The following TRIM37 variants were observed in gnomAD, a reference collection of about 807,000 sequenced individuals.
TRIM37 encodes E3 ubiquitin-protein ligase TRIM37.
Under a neutral mutation model 129.8 loss-of-function variants are expected in TRIM37, and 80 were observed. The observed-to-expected ratio is 0.62, with a 90% CI of 0.51 to 0.74. The LOEUF (loss-of-function observed/expected upper bound fraction) is 0.74. Ranked by LOEUF, TRIM37 falls within the 30% of genes least tolerant of loss-of-function variation. The probability of loss-of-function intolerance (pLI) is 0.00; values close to 1 mark genes in which losing one functional copy is unlikely to be tolerated. For synonymous variants in TRIM37, 389 were observed against 387.1 expected (o/e 1.00, Z -0.06); for missense variants, 1,054 against 1,176.5 (o/e 0.90, Z 1.52).
chr17:59,078,251 T>C (rs1404244284), intron 7 of TRIM37, among the ~76,000 whole-genome samples: 1 of 152,034 alleles, frequency 6.6e-6, no homozygotes, highest in Non-Finnish European at 1.5e-5. Context: ...CCTCTTATCC[T>C]TAGAAAGAAT....
At chr17:58,979,995 A>G (rs1438064491), downstream of TRIM37, 7 of 1,613,630 alleles carry the variant, frequency 4.3e-6, no homozygotes, top group East Asian at 2.2e-5. Context: ...CATAAGCCAT[A>G]TATCTGTGGG....
chr17:59,019,620 A>G (rs148706118), intron 19 of TRIM37, among the ~76,000 whole-genome samples: 3,166 of 152,058 alleles, frequency 0.021, 42 homozygotes, highest in Middle Eastern at 0.045. Context: ...AGGCAGGAGA[A>G]TGGCGTGAAC....
intron 8 of TRIM37, among the ~76,000 whole-genome samples, chr17:59,074,992 A>C (rs923405677): frequency 2.0e-4 from 31 of 152,194 alleles, no homozygotes; most frequent in African/African-American, 7.5e-4. Flanking sequence ...TTAGAGTAAT[A>C]ATCGCTACAT....
chr17:59,017,565 C>G, intron 19 of TRIM37, 141 bp from the exon 20 acceptor site: 2 of 1,160,280 alleles, frequency 1.7e-6, no homozygotes, highest in Non-Finnish European at 2.5e-6. Flanking sequence ...ATTCTGTAGC[C>G]CCAATTGGTT....
At chr17:59,070,721 A>G in intron 9 of TRIM37, 102 bp downstream of exon 9, 1 of 1,296,134 alleles carries the variant, frequency 7.7e-7, no homozygotes, top group Non-Finnish European at 1.1e-6. Flanking sequence ...AAAAGAAAAG[A>G]GAGAGAGAGA....
At position 59,001,710 on chromosome 17, in the gene TRIM37, C is replaced by T. The variant is rs765203274; in HGVS notation, c.2700G>A (p.Met900Ile). Reference protein sequence around the residue: ...EGASAAPEEGMSSDSDIECDT... With the variant: ...EGASAAPEEGISSDSDIECDT... Reference sequence around the variant, plus strand: ...CACATTCAATGTCACTGTCGCTACTCATTCCTGGCAGGAAGGAAGGAGAAC... The same window carrying T: ...CACATTCAATGTCACTGTCGCTACTTATTCCTGGCAGGAAGGAAGGAGAAC... The change falls in exon 23 of 24, where the codon ATG (methionine) becomes ATA (isoleucine). Residue 900 changes from methionine to isoleucine, a missense_variant. This residue lies in a region of TRIM37 where 287 missense variants were observed against 274.3 expected (regional missense o/e 1.05). Coordinates refer to ENST00000262294, the MANE Select transcript of TRIM37 (RefSeq NM_015294.6). The T allele has an allele frequency of 5.6e-6, 9 of 1,613,994 alleles. No individual in the cohort carries two copies. Among genetic ancestry groups the T allele is most frequent in the Non-Finnish European group, 7.6e-6 (9 of 1,179,960 alleles).
intron 5 of TRIM37, among the ~76,000 whole-genome samples, chr17:59,082,598 G>A (rs2043396293): frequency 6.6e-6 from 1 of 152,160 alleles, no homozygotes; most frequent in South Asian, 2.1e-4. Flanking sequence ...TACAGAGACA[G>A]AAGACTGATA....
At position 58,998,258 on chromosome 17, in the gene TRIM37, CTA is replaced by C. The variant is rs1277064596; in HGVS notation, c.*1117_*1118del. ...GCAAACTATTTTGAACAAAAGTAAA[CTA>C]TGAGTCACAGCATTCAGCAAGACAT... On this transcript the variant is annotated 3_prime_UTR_variant, in exon 24 of 24. Transcript: ENST00000262294. The C allele has an allele frequency of 2.0e-6, 2 of 985,326 alleles. No individual in the cohort carries two copies. Among genetic ancestry groups the C allele is most frequent in the African/African-American group, 3.5e-5 (2 of 57,236 alleles). 61.0% of individuals were successfully genotyped at this position (985,326 alleles called of 1,614,324 possible).
rs749127388 is a variant in TRIM37 at position 59,049,382 on chromosome 17, A to G, written c.1326T>C (p.Ile442=). The change falls in exon 15 of 24, where the codon ATT becomes ATC. Residue 442 remains isoleucine, a synonymous_variant. Coordinates refer to ENST00000262294, the MANE Select transcript of TRIM37 (RefSeq NM_015294.6). Reference sequence around the variant, plus strand: ...TTGACTTCTGAGTTCGAGACAGCTCAATAGTAAGTCTCTTTTAAAACAAGA... The same window carrying G: ...TTGACTTCTGAGTTCGAGACAGCTCGATAGTAAGTCTCTTTTAAAACAAGA... ...QINNLKERLT[I]ELSRTQKSRD... is the part of the protein sequence containing the mutation. 3 of 1,614,082 alleles carry G rather than the reference A, an allele frequency of 1.9e-6. No homozygotes were observed. The Admixed American group carries it at 5.0e-5, about 27-fold the overall frequency.
chr17:59,087,941 T>C, intron 4 of TRIM37: 1 of 406,010 alleles, frequency 2.5e-6, no homozygotes, highest in Non-Finnish European at 4.4e-6. Flanking sequence ...TATTCATTCT[T>C]GTCCCTTAAA....
intron 15 of TRIM37, among the ~76,000 whole-genome samples, chr17:59,048,715 G>C (rs1332130352): frequency 6.6e-6 from 1 of 152,018 alleles, no homozygotes; most frequent in Non-Finnish European, 1.5e-5. Context: ...TCCTACCTCA[G>C]CCTCCCAAGT....
At chr17:59,065,711 C>T (rs2146612571) in intron 9 of TRIM37, among the ~76,000 whole-genome samples, 1 of 152,312 alleles carries the variant, frequency 6.6e-6, no homozygotes, top group Non-Finnish European at 1.5e-5. Flanking sequence ...TTCACCACAT[C>T]TTCAGATATA....
rs139217284 is a variant in TRIM37 at position 59,014,260 on chromosome 17, T to C, written c.2576+1350A>G. On this transcript the variant is annotated intron_variant, in intron 21 of 23. Transcript: ENST00000262294. ...CTTGACTATATAAAATTAAGTAAAC[T>C]TAAAGGGTGTTAATCTTTCTCCAAT... Among the ~76,000 whole-genome samples, 1,431 of 152,264 alleles carry C rather than the reference T, an allele frequency of 9.4e-3. 21 individuals are homozygous for C. The highest frequency in any genetic ancestry group is 0.032 in the African/African-American group (1,345 of 41,552).
intron 22 of TRIM37, among the ~76,000 whole-genome samples, chr17:59,007,953 C>T (rs1436017115): frequency 6.6e-6 from 1 of 152,158 alleles, no homozygotes; most frequent in Non-Finnish European, 1.5e-5. Context: ...AATAAAGAGT[C>T]TTGTTTTTCC....
At chr17:59,061,728 A>T (rs2146506824) in intron 11 of TRIM37, among the ~76,000 whole-genome samples, 1 of 152,216 alleles carries the variant, frequency 6.6e-6, no homozygotes. Context: ...TTTTAAAAGA[A>T]TCACATTTAT....
chr17:59,042,387 A>G (rs1305005423), intron 16 of TRIM37, among the ~76,000 whole-genome samples: 1 of 145,974 alleles, frequency 6.9e-6, no homozygotes, highest in Non-Finnish European at 1.5e-5. Flanking sequence ...AAAAAAAAAA[A>G]AAATCAGCCA....
intron 17 of TRIM37, among the ~76,000 whole-genome samples, chr17:59,036,770 A>G (rs1439690755): frequency 6.6e-6 from 1 of 152,254 alleles, no homozygotes; most frequent in Admixed American, 6.5e-5. Flanking sequence ...ATAACTTAAC[A>G]TCGTAATTCT....
At chr17:58,989,955 G>C (rs2032199557) in intron 24 of TRIM37, among the ~76,000 whole-genome samples, 1 of 152,042 alleles carries the variant, frequency 6.6e-6, no homozygotes, top group South Asian at 2.1e-4. Context: ...GTTGGCTGAG[G>C]TGGGAGGATA....
chr17:59,054,175 T>C (rs557303603), intron 13 of TRIM37, among the ~76,000 whole-genome samples: 24 of 152,346 alleles, frequency 1.6e-4, no homozygotes, highest in Admixed American at 5.2e-4. Context: ...TGAGAACTTT[T>C]TAAACTGTTA....
Sources: gnomAD v4.1 joint callset for allele counts (sites outside exome capture counted in the v4.1 genomes callset) on GRCh38, gnomAD v4.1.1 for gene constraint, gnomAD v4.1.1 regional missense constraint, MANE v1.5 for transcripts, NCBI Gene and HGNC (gene_info 2026-07-23, HGNC 2026-07-21) for gene names.